The following APAF1 variants were observed in gnomAD, a reference collection of about 807,000 sequenced individuals.
APAF1 encodes apoptotic peptidase activating factor 1, also known as apoptotic protease-activating factor 1.
In APAF1, 91 loss-of-function variants were observed where a neutral mutation model predicts 152.4. The observed-to-expected ratio is 0.60, with a 90% CI of 0.50 to 0.71. The LOEUF is 0.71. Ranked by LOEUF, APAF1 falls within the 30% of genes least tolerant of loss-of-function variation. APAF1 has a pLI of 0.00. For missense variants in APAF1, 1,283 were observed against 1,472.0 expected (o/e 0.87, Z 2.10); for synonymous variants, 484 against 494.1 (o/e 0.98, Z 0.27).
intron 22 of APAF1, 131 bp downstream of exon 22, chr12:98,715,683 CT>C: frequency 9.7e-7 from 1 of 1,036,010 alleles, no homozygotes; most frequent in Non-Finnish European, 1.5e-6. Context: ...TGTACATGGG[CT>C]TAGATGAAAC....
intron 9 of APAF1, 126 bp downstream of exon 9, chr12:98,666,483 T>A: frequency 1.2e-6 from 1 of 858,466 alleles, no homozygotes; most frequent in Non-Finnish European, 1.8e-6. Flanking sequence ...CCCCTAATAT[T>A]AACATTTTAT....
At chr12:98,708,769 T>A in intron 20 of APAF1, 65 bp downstream of exon 20, 1 of 1,554,930 alleles carries the variant, frequency 6.4e-7, no homozygotes. Context: ...ACGGTTTTTC[T>A]TGTTTTTGGA....
intron 14 of APAF1, among the ~76,000 whole-genome samples, chr12:98,681,358 C>T (rs1054814938): frequency 2.0e-5 from 3 of 152,104 alleles, no homozygotes; most frequent in Admixed American, 2.0e-4. Flanking sequence ...CACTGTGCCC[C>T]GCCAGAGAGT....
intron 15 of APAF1, among the ~76,000 whole-genome samples, chr12:98,686,509 T>G (rs1173108049): frequency 6.6e-6 from 1 of 152,244 alleles, no homozygotes; most frequent in Non-Finnish European, 1.5e-5. Context: ...GTACTCAGCC[T>G]AAAAACCTCG....
intron 25 of APAF1, chr12:98,726,524 T>G (rs1216658803): frequency 6.5e-6 from 1 of 153,738 alleles, no homozygotes; most frequent in Non-Finnish European, 1.4e-5. Context: ...CAGATGGGCT[T>G]TCCAGGGAAA....
chr12:98,683,329 T>G (rs1044921790), intron 15 of APAF1, 55 bp downstream of exon 15: 2 of 1,558,010 alleles, frequency 1.3e-6, no homozygotes, highest in Non-Finnish European at 1.8e-6. Context: ...CATCAGAGTA[T>G]CTCCTTTGAT....
rs760834151 is a variant in APAF1, at chr12:98,708,680, A to G, written c.2817A>G (p.Ala939=). ...AAGAAAATGAAGTGATGGTCCTTGCAGTTGACCATATAAGACGTCTGCAAG... is the reference window on the plus strand; with the variant it reads ...AAGAAAATGAAGTGATGGTCCTTGCGGTTGACCATATAAGACGTCTGCAAG... ...VFQENEVMVL[A]VDHIRRLQLI... is the part of the protein sequence containing the mutation. The change falls in exon 20 of 27, where the codon GCA becomes GCG. Residue 939 remains alanine (A), a synonymous_variant. Coordinates refer to ENST00000551964, the MANE Select transcript of APAF1 (RefSeq NM_181861.2). 28 of 1,613,658 alleles carry G rather than the reference A, an allele frequency of 1.7e-5. No individual in the cohort carries two copies. In the South Asian group the frequency reaches 2.9e-4, roughly 16 times the overall value.
chr12:98,649,429 A>T lies in APAF1; in HGVS notation c.329-58A>T. On this transcript the variant is annotated intron_variant, in intron 3 of 26. Transcript: ENST00000551964. ...TTTGCTCTTTGTTTTTTATGGTATTACTTCAGTAATTATTCCAAAGTTCTA... is the reference window on the plus strand; with the variant it reads ...TTTGCTCTTTGTTTTTTATGGTATTTCTTCAGTAATTATTCCAAAGTTCTA... The T allele has an allele frequency of 1.9e-6, 3 of 1,564,472 alleles. No individual in the cohort carries two copies. In the Admixed American group the frequency reaches 5.0e-5, roughly 26 times the overall value.
intron 21 of APAF1, among the ~76,000 whole-genome samples, chr12:98,712,932 C>T (rs1386026878): frequency 6.6e-6 from 1 of 152,118 alleles, no homozygotes; most frequent in Non-Finnish European, 1.5e-5. Context: ...ATCCTCCCAC[C>T]ACAGCCTGCT....
intron 19 of APAF1, 74 bp from the exon 20 acceptor site, chr12:98,708,510 TA>T (rs1369969378): frequency 1.4e-5 from 21 of 1,461,668 alleles, no homozygotes; most frequent in Non-Finnish European, 1.8e-5. Context: ...ATGTGAAACA[TA>T]GTTTGTCTCT....
chr12:98,669,545 A>C (rs1164225570), intron 10 of APAF1, among the ~76,000 whole-genome samples: 1 of 152,206 alleles, frequency 6.6e-6, no homozygotes, highest in Non-Finnish European at 1.5e-5. Flanking sequence ...TTTACCATTT[A>C]ATTACATTGA....
intron 14 of APAF1, among the ~76,000 whole-genome samples, chr12:98,682,485 C>G (rs975319658): frequency 6.6e-6 from 1 of 152,212 alleles, no homozygotes; most frequent in South Asian, 2.1e-4. Flanking sequence ...GAAGAGGACG[C>G]AGATTCAGAG....
At chr12:98,700,706 A>G (rs2288721) in intron 17 of APAF1, among the ~76,000 whole-genome samples, 7,125 of 152,284 alleles carry the variant, frequency 0.047, 323 homozygotes, top group East Asian at 0.24. Context: ...CATTACTACT[A>G]TATATTTCCA....
At chr12:98,686,721 A>G (rs370556260) in intron 15 of APAF1, 27 bp from the exon 16 acceptor site, 20 of 1,607,144 alleles carry the variant, frequency 1.2e-5, no homozygotes, top group Middle Eastern at 1.7e-4. Context: ...CTAGTTGTTT[A>G]TTTATCTTTT....
At chr12:98,694,001 A>C (rs2097707189) in intron 16 of APAF1, among the ~76,000 whole-genome samples, 1 of 152,166 alleles carries the variant, frequency 6.6e-6, no homozygotes. Context: ...TGCATAGTTT[A>C]ACAAGGCCAA....
At chr12:98,699,590 A>G (rs78492828) in intron 17 of APAF1, 21 bp downstream of exon 17, 25 of 1,613,018 alleles carry the variant, frequency 1.5e-5, no homozygotes, top group African/African-American at 6.7e-5. Flanking sequence ...TAAAAAGCCA[A>G]CTTCAGTCTG....
intron 16 of APAF1, among the ~76,000 whole-genome samples, chr12:98,688,665 A>G (rs551384691): frequency 1.9e-3 from 262 of 137,330 alleles, no homozygotes; most frequent in African/African-American, 6.8e-3. Context: ...TTTTTTAGAG[A>G]TAGGATCTTA....
intron 7 of APAF1, among the ~76,000 whole-genome samples, chr12:98,664,777 C>T (rs1445218107): frequency 1.3e-5 from 2 of 152,120 alleles, no homozygotes; most frequent in South Asian, 4.1e-4. Context: ...TCAAGCAATC[C>T]TCCCACCTCA....
intron 26 of APAF1, among the ~76,000 whole-genome samples, chr12:98,728,068 A>G (rs2097753711): frequency 6.6e-6 from 1 of 152,148 alleles, no homozygotes; most frequent in South Asian, 2.1e-4. Context: ...GAGATCCACA[A>G]GACTGCTTTC....
Sources: allele counts gnomAD v4.1 joint callset (sites outside exome capture counted in the v4.1 genomes callset), GRCh38; gene constraint gnomAD v4.1.1; transcripts MANE v1.5; gene names NCBI Gene and HGNC (gene_info 2026-07-23, HGNC 2026-07-21).